The following AGAP1 variants were observed in gnomAD, a reference collection of about 807,000 sequenced individuals.
AGAP1 encodes arf-GAP with GTPase, ANK repeat and PH domain-containing protein 1.
AGAP1 carries 29 observed loss-of-function variants against 105.3 expected under a neutral mutation model. The ratio of observed to expected loss-of-function variants is 0.28; its 90% CI spans 0.21 to 0.38. The LOEUF (loss-of-function observed/expected upper bound fraction) is 0.38, where lower values mean the gene tolerates loss of function less well. Among genes scored for constraint, AGAP1 ranks in the 10% least tolerant of loss-of-function variants. The pLI is 1.00. For missense variants in AGAP1, 998 were observed against 1,165.1 expected (o/e 0.86, Z 2.09); for synonymous variants, 509 against 485.9 (o/e 1.05, Z -0.63).
chr2:235,576,360 A>G (rs1317039820), intron 1 of AGAP1, among the ~76,000 whole-genome samples: 1 of 152,114 alleles, frequency 6.6e-6, no homozygotes, highest in Admixed American at 6.5e-5. Context: ...TGCATTGATT[A>G]TTTTTGTGTG....
intron 13 of AGAP1, among the ~76,000 whole-genome samples, chr2:236,011,426 G>A (rs561741800): frequency 3.9e-5 from 6 of 152,304 alleles, no homozygotes; most frequent in South Asian, 2.1e-4. Context: ...ATTGAGATTC[G>A]CGTATGTGTT....
Position 235,827,715 on chromosome 2 carries a change from C to T in AGAP1, c.1050+20384C>T, listed in dbSNP as rs554667877. Among the ~76,000 whole-genome samples, 10 of 152,318 alleles carry T rather than the reference C, an allele frequency of 6.6e-5. No individual in the cohort carries two copies. In the South Asian group the frequency reaches 1.9e-3, roughly 28 times the overall value. ...GAATCGTCACCGGCATTGAACTACA[C>T]TTCCAAGGTTAGTCAGGGAGGCTTT... On this transcript the variant is annotated intron_variant, in intron 9 of 17. Transcript: ENST00000304032.
Position 235,663,590 on chromosome 2 carries a change from T to C in AGAP1, c.164-45589T>C, listed in dbSNP as rs2149343189. On this transcript the variant is annotated intron_variant, in intron 1 of 17. Transcript: ENST00000304032. This position sits in a 1 kb window ranked among gnomAD's most constrained non-coding sequence, Gnocchi z 5.4. ...TGGCAAAAATTCCCAGGGCATCGTT[T>C]GTGGCCTCAATGTGATTTTCATGTA... Among the ~76,000 whole-genome samples the C allele has an allele frequency of 6.6e-6, 1 of 152,312 alleles. No homozygotes were observed. The highest frequency in any genetic ancestry group is 6.5e-5 in the Admixed American group (1 of 15,302).
Position 235,977,525 on chromosome 2 carries a change from A to G in AGAP1, c.1645+8902A>G, listed in dbSNP as rs758200677. On this transcript the variant is annotated intron_variant, in intron 13 of 17. Transcript: ENST00000304032. This position sits in a 1 kb window ranked among gnomAD's most constrained non-coding sequence, Gnocchi z 5.2. ...GCAAGGTATGAGAGGTCCGCATCTC[A>G]TGCACGAGGGTGTTTTTCTCGGCCT... Among the ~76,000 whole-genome samples the G allele has an allele frequency of 3.3e-5, 5 of 152,180 alleles. No homozygotes were observed. The highest frequency in any genetic ancestry group is 4.8e-5 in the African/African-American group (2 of 41,446).
At chr2:235,825,314 G>T (rs949410127) in intron 9 of AGAP1, among the ~76,000 whole-genome samples, 2 of 152,228 alleles carry the variant, frequency 1.3e-5, no homozygotes, top group African/African-American at 4.8e-5. Context: ...AAGATCCAAC[G>T]ACCCTTTGAA....
intron 13 of AGAP1, among the ~76,000 whole-genome samples, chr2:236,034,195 A>C (rs1472065413): frequency 1.3e-5 from 2 of 152,232 alleles, no homozygotes; most frequent in African/African-American, 2.4e-5. Context: ...CCCATGGATC[A>C]AGAAGCTGGA....
intron 1 of AGAP1, among the ~76,000 whole-genome samples, chr2:235,626,211 A>G (rs1249519811): frequency 1.3e-5 from 2 of 151,808 alleles, no homozygotes; most frequent in African/African-American, 4.9e-5. Flanking sequence ...AAAAAAAATT[A>G]GCCGGTTATG....
At position 235,741,927 on chromosome 2, in the gene AGAP1, G is replaced by A. The variant is rs570250976; in HGVS notation, c.396+879G>A. ...TGCTACCACGCCTGGCTAATTTTTT[G>A]TATTTTTAGTAGAGATGGAGTTTCA... is the stretch of plus-strand genomic sequence containing the variant. On this transcript the variant is annotated intron_variant, in intron 4 of 17. Transcript: ENST00000304032. This position sits in a 1 kb window ranked among gnomAD's most constrained non-coding sequence, Gnocchi z 4.9. 6.6e-5 allele frequency among the ~76,000 whole-genome samples: 10 copies of A among 151,794 alleles called. No homozygotes were observed. Among genetic ancestry groups the A allele is most frequent in the African/African-American group, 1.9e-4 (8 of 41,428 alleles).
chr2:236,098,026 G>A (rs1336105720), intron 16 of AGAP1, among the ~76,000 whole-genome samples: 1 of 152,192 alleles, frequency 6.6e-6, no homozygotes, highest in Non-Finnish European at 1.5e-5. Flanking sequence ...CAGCCTTTAA[G>A]AAGGCTGAGT....
intron 3 of AGAP1, among the ~76,000 whole-genome samples, 159 bp downstream of exon 3, chr2:235,717,803 A>AT (rs1951194800): frequency 6.6e-6 from 1 of 152,354 alleles, no homozygotes; most frequent in Admixed American, 6.5e-5. Context: ...CTTCTGTAGT[A>AT]TTTTTAGCAA....
Position 236,003,255 on chromosome 2 carries a change from G to A in AGAP1, c.1646-33306G>A, listed in dbSNP as rs1041584533. 6.6e-6 allele frequency among the ~76,000 whole-genome samples: 1 copy of A among 152,138 alleles called. No homozygotes were observed. Among genetic ancestry groups the A allele is most frequent in the Non-Finnish European group, 1.5e-5 (1 of 68,026 alleles). ...AGACGGGGTTTTGCCATGTTGCCCA[G>A]GCTGGTCTCGAACTCCTGGCCTCAG... On this transcript the variant is annotated intron_variant, in intron 13 of 17. Coordinates refer to ENST00000304032, the MANE Select transcript of AGAP1 (RefSeq NM_001037131.3). This position sits in a 1 kb window ranked among gnomAD's most constrained non-coding sequence, Gnocchi z 4.2.
intron 1 of AGAP1, among the ~76,000 whole-genome samples, chr2:235,547,077 AT>A (rs1943648718): frequency 6.6e-6 from 1 of 152,114 alleles, no homozygotes. Flanking sequence ...AAAATTCCCC[AT>A]GCTTTTAGGA....
At chr2:235,542,964 C>G (rs767295393) in intron 1 of AGAP1, among the ~76,000 whole-genome samples, 2 of 152,108 alleles carry the variant, frequency 1.3e-5, no homozygotes, top group Non-Finnish European at 2.9e-5. Flanking sequence ...GACCTGGGGA[C>G]GGTCTCCTGG....
At chr2:235,948,644 G>T (rs1559682939) in intron 12 of AGAP1, among the ~76,000 whole-genome samples, 1 of 152,188 alleles carries the variant, frequency 6.6e-6, no homozygotes, top group Non-Finnish European at 1.5e-5. Context: ...GTCTGTCTTT[G>T]TAGCGCTAGA....
In AGAP1 at chr2:235,893,119, G is replaced by A. The variant is rs2124927943; in HGVS notation, c.1155+9670G>A. Among the ~76,000 whole-genome samples, 1 of 150,956 alleles carries A rather than the reference G, an allele frequency of 6.6e-6. No individual in the cohort carries two copies. Among genetic ancestry groups the A allele is most frequent in the South Asian group, 2.1e-4 (1 of 4,726 alleles). ...GTGCGGGTGTGCTGTGTCCTCATAA[G>A]GGTGCGCCATGTCTGTGGCGTAGTG... On this transcript the variant is annotated intron_variant, in intron 10 of 17. Coordinates refer to ENST00000304032, the MANE Select transcript of AGAP1 (RefSeq NM_001037131.3). The surrounding 1 kb of genome is among the most constrained non-coding windows in gnomAD (Gnocchi z 4.7).
At chr2:235,844,171 G>A (rs985747329) in intron 9 of AGAP1, among the ~76,000 whole-genome samples, 8 of 152,218 alleles carry the variant, frequency 5.3e-5, no homozygotes, top group African/African-American at 1.7e-4. Context: ...CTCCCCTGCC[G>A]GTCTGGAGCT....
rs1333693825 is a variant in AGAP1, at chr2:236,121,158, A to AC, written c.2370+712dup. On this transcript the variant is annotated intron_variant, in intron 17 of 17. Transcript: ENST00000304032. This position sits in a 1 kb window ranked among gnomAD's most constrained non-coding sequence, Gnocchi z 4.9. ...GGCAAGTGTGTGCCCAGAAGTGGAG[A>AC]CAGCACCCAGAGGTGGGACACCCAG... Among the ~76,000 whole-genome samples, 1 of 152,210 alleles carries AC rather than the reference A, an allele frequency of 6.6e-6. No homozygotes were observed. Among genetic ancestry groups the AC allele is most frequent in the Non-Finnish European group, 1.5e-5 (1 of 68,028 alleles).
In AGAP1 at chr2:235,612,987, C is replaced by T. The variant is rs1201777814; in HGVS notation, c.164-96192C>T. Among the ~76,000 whole-genome samples the T allele has an allele frequency of 2.6e-5, 4 of 151,458 alleles. No individual in the cohort carries two copies. The highest frequency in any genetic ancestry group is 7.3e-5 in the African/African-American group (3 of 41,170). The stretch of plus-strand genomic sequence containing the variant: ...CTTTCCCAGGTGAGGTTAGCAAATA[C>T]GTATAGATTGTAACAAGAGAATTTT... On this transcript the variant is annotated intron_variant, in intron 1 of 17. Transcript: ENST00000304032. The surrounding 1 kb of genome is among the most constrained non-coding windows in gnomAD (Gnocchi z 4.3).
rs114597055 is a variant in AGAP1, at chr2:235,956,980, C to T, written c.1484-11482C>T. 3.6e-3 allele frequency among the ~76,000 whole-genome samples: 551 copies of T among 152,328 alleles called. 5 individuals are homozygous for T. Among genetic ancestry groups the T allele is most frequent in the African/African-American group, 0.012 (500 of 41,576 alleles). On this transcript the variant is annotated intron_variant, in intron 12 of 17. Coordinates refer to ENST00000304032, the MANE Select transcript of AGAP1 (RefSeq NM_001037131.3). ...TGCTTTGTAGCATTTAATACAACGA[C>T]CTCTCCCATTTTTTTTAAACAGCTT...
Sources: gnomAD v4.1 joint callset for allele counts (sites outside exome capture counted in the v4.1 genomes callset) on GRCh38, gnomAD v4.1.1 for gene constraint, Gnocchi (gnomAD v3.1) non-coding constraint, MANE v1.5 for transcripts, NCBI Gene and HGNC (gene_info 2026-07-23, HGNC 2026-07-21) for gene names.